Variants in ST18 observed in about 807,000 individuals in gnomAD.
The protein encoded by ST18 is suppression of tumorigenicity 18 protein.
In ST18, 50 loss-of-function variants were observed where a neutral mutation model predicts 110.0. The ratio of observed to expected loss-of-function variants is 0.45; its 90% confidence interval spans 0.36 to 0.58. The LOEUF (loss-of-function observed/expected upper bound fraction) is 0.58. ST18 is among the 20% of genes least tolerant of loss of function. The probability of loss-of-function intolerance (pLI) is 0.00; values close to 1 mark genes in which losing one functional copy is unlikely to be tolerated. For missense variants in ST18, 1,306 were observed against 1,280.1 expected (o/e 1.02, Z -0.31); for synonymous variants, 461 against 452.4 (o/e 1.02, Z -0.24).
chr8:52,135,853 C>T lies in ST18; in HGVS notation c.2300+737G>A, dbSNP rs111993378. Among the ~76,000 whole-genome samples the T allele has an allele frequency of 3.4e-3, 515 of 152,174 alleles. 5 individuals carry two copies. Among genetic ancestry groups the T allele is most frequent in the African/African-American group, 0.012 (487 of 41,546 alleles). On this transcript the variant is annotated intron_variant, in intron 19 of 25. Coordinates refer to ENST00000689386, the MANE Select transcript of ST18 (RefSeq NM_001352837.2). ...CCAAACGCTGATGCTGCTGTCTACGCATATTGTTTTACCAGTAGATGTAGT... is the reference window on the plus strand; with the variant it reads ...CCAAACGCTGATGCTGCTGTCTACGTATATTGTTTTACCAGTAGATGTAGT...
At position 52,125,108 on chromosome 8, in the gene ST18, A is replaced by T. The variant is rs1335521955; in HGVS notation, c.2755+944T>A. On this transcript the variant is annotated intron_variant, in intron 23 of 25. Coordinates refer to ENST00000689386, the MANE Select transcript of ST18 (RefSeq NM_001352837.2). ...AGGCCCCAGATAATGCTCATTAGAAATCTCCAGAAAATGCATTCAAGTATC... is the reference window on the plus strand; with the variant it reads ...AGGCCCCAGATAATGCTCATTAGAATTCTCCAGAAAATGCATTCAAGTATC... Among the ~76,000 whole-genome samples, 8 of 152,210 alleles carry T rather than the reference A, an allele frequency of 5.3e-5. No homozygotes were observed. The East Asian group carries it at 1.5e-3, about 29-fold the overall frequency.
intron 2 of ST18, among the ~76,000 whole-genome samples, chr8:52,363,927 G>C (rs1237934285): frequency 6.6e-6 from 1 of 152,194 alleles, no homozygotes; most frequent in African/African-American, 2.4e-5. Flanking sequence ...TACAAAGAAG[G>C]AAGTACAGGA....
intron 2 of ST18, among the ~76,000 whole-genome samples, chr8:52,299,751 A>T (rs1421208748): frequency 6.6e-6 from 1 of 152,220 alleles, no homozygotes; most frequent in African/African-American, 2.4e-5. Context: ...CAGCTTTTCA[A>T]CCGCATAAGT....
chr8:52,399,905 A>G (rs553072905), intron 2 of ST18, among the ~76,000 whole-genome samples: 1 of 152,036 alleles, frequency 6.6e-6, no homozygotes, highest in African/African-American at 2.4e-5. Context: ...TGAAAGTTCC[A>G]TATATGTCTG....
At chr8:52,389,533 C>T (rs2140960076) in intron 2 of ST18, among the ~76,000 whole-genome samples, 1 of 152,314 alleles carries the variant, frequency 6.6e-6, no homozygotes, top group Non-Finnish European at 1.5e-5. Context: ...TGGTTGTGTG[C>T]TCTAGGTACA....
At chr8:52,395,884 T>C (rs897492585) in intron 2 of ST18, among the ~76,000 whole-genome samples, 10 of 152,240 alleles carry the variant, frequency 6.6e-5, no homozygotes, top group African/African-American at 2.4e-4. Flanking sequence ...ATGAAAACTT[T>C]TACAGAATTA....
intron 2 of ST18, among the ~76,000 whole-genome samples, chr8:52,381,365 C>T (rs1474816622): frequency 6.6e-6 from 1 of 152,128 alleles, no homozygotes; most frequent in Non-Finnish European, 1.5e-5. Context: ...ATTCATATGC[C>T]ATCTTATGCT....
chr8:52,329,219 ATGTGTG>A (rs71252933), intron 2 of ST18, among the ~76,000 whole-genome samples: 163 of 131,702 alleles, frequency 1.2e-3, no homozygotes, highest in Middle Eastern at 4.2e-3. Context: ...GCATGTATTT[ATGTGTG>A]TGTGTGTGTG....
At chr8:52,294,685 T>C (rs1477546792) in intron 2 of ST18, 1 of 152,282 alleles carries the variant, frequency 6.6e-6, no homozygotes, top group African/African-American at 2.4e-5. Context: ...CTTTTCAATG[T>C]ATGCCCAGAG....
chr8:52,247,242 AAAG>A (rs1308805155), intron 2 of ST18, among the ~76,000 whole-genome samples: 1 of 152,208 alleles, frequency 6.6e-6, no homozygotes, highest in Non-Finnish European at 1.5e-5. Flanking sequence ...AAATTTCTTT[AAAG>A]AAGAAAGCTG....
In ST18 at chr8:52,113,192, G is replaced by A; in HGVS notation, c.*6C>T. ...GTAACTTCTGTTGCCCGGCAGCGCT[G>A]TGATCCTACACATGGATACCCTTCA... is the stretch of plus-strand genomic sequence containing the variant. On this transcript the variant is annotated 3_prime_UTR_variant, in exon 26 of 26. Coordinates refer to ENST00000689386, the MANE Select transcript of ST18 (RefSeq NM_001352837.2). 6.2e-7 allele frequency: 1 copy of A among 1,613,778 alleles called. No homozygotes were observed. The highest frequency in any genetic ancestry group is 8.5e-7 in the Non-Finnish European group (1 of 1,179,860).
chr8:52,381,422 A>C (rs934933837), intron 2 of ST18, among the ~76,000 whole-genome samples: 2 of 152,176 alleles, frequency 1.3e-5, no homozygotes, highest in African/African-American at 4.8e-5. Flanking sequence ...ATAGACAGAA[A>C]CCCTTGAAGG....
rs569463539 is a variant in ST18 at position 52,279,031 on chromosome 8, T to C, written c.-464-48954A>G. Among the ~76,000 whole-genome samples the C allele has an allele frequency of 5.3e-5, 8 of 152,130 alleles. No homozygotes were observed. The South Asian group carries it at 1.2e-3, about 24-fold the overall frequency. ...AAGACAATAATAAATCAGAAAATAA[T>C]TTTTTAAAAAATAATAAAATAAATG... On this transcript the variant is annotated intron_variant, in intron 2 of 25. Transcript: ENST00000689386.
chr8:52,267,197 C>T lies in ST18; in HGVS notation c.-464-37120G>A, dbSNP rs559428753. ...ACCCTGAGGGGTTTAGCAGGTAAGA[C>T]CCTAGGAGGTGAGGAGGTGGGGAAT... On this transcript the variant is annotated intron_variant, in intron 2 of 25. Coordinates refer to ENST00000689386, the MANE Select transcript of ST18 (RefSeq NM_001352837.2). 3.1e-3 allele frequency among the ~76,000 whole-genome samples: 467 copies of T among 151,970 alleles called. 1 individual carries two copies. Among genetic ancestry groups the T allele is most frequent in the South Asian group, 9.6e-3 (46 of 4,790 alleles).
intron 8 of ST18, 117 bp from the exon 9 acceptor site, chr8:52,180,429 G>C (rs557107204): frequency 9.1e-7 from 1 of 1,102,994 alleles, no homozygotes; most frequent in East Asian, 2.4e-5. Flanking sequence ...GAGGTTTAGG[G>C]TTGGTTACTG....
intron 8 of ST18, among the ~76,000 whole-genome samples, chr8:52,209,770 C>CAAAA (rs1172620781): frequency 1.4e-5 from 1 of 71,870 alleles, no homozygotes; most frequent in Non-Finnish European, 2.8e-5. Context: ...AACTCCATCT[C>CAAAA]AAAAAAAAAA....
intron 2 of ST18, among the ~76,000 whole-genome samples, chr8:52,234,493 G>C (rs2092274567): frequency 6.6e-6 from 1 of 151,966 alleles, no homozygotes; most frequent in South Asian, 2.1e-4. Flanking sequence ...TTGAACTCCT[G>C]ACCTCATAAT....
chr8:52,371,946 C>T (rs7464592), intron 2 of ST18, among the ~76,000 whole-genome samples: 150,429 of 152,328 alleles, frequency 0.99, 74,300 homozygotes, highest in Middle Eastern at 1. Flanking sequence ...TACTATACTA[C>T]AATTTTATCT....
chr8:52,311,817 C>A (rs2095918115), intron 2 of ST18, among the ~76,000 whole-genome samples: 1 of 152,176 alleles, frequency 6.6e-6, no homozygotes, highest in African/African-American at 2.4e-5. Flanking sequence ...CCTCCCTCGA[C>A]ATGTGGGGAT....
Sources: allele counts gnomAD v4.1 joint callset (sites outside exome capture counted in the v4.1 genomes callset), GRCh38; gene constraint gnomAD v4.1.1; transcripts MANE v1.5; gene names NCBI Gene and HGNC (gene_info 2026-07-23, HGNC 2026-07-21).